The following PSMC5 variants were observed in gnomAD, a reference collection of about 807,000 sequenced individuals.
PSMC5 encodes 26S proteasome regulatory subunit 8.
Under a neutral mutation model 49.1 loss-of-function variants are expected in PSMC5, and 11 were observed. The observed-to-expected ratio is 0.22, with a 90% CI of 0.14 to 0.37. PSMC5 has a LOEUF of 0.37. Ranked by LOEUF, PSMC5 falls within the 10% of genes least tolerant of loss-of-function variation. The probability of loss-of-function intolerance (pLI) is 1.00; values close to 1 mark genes in which losing one functional copy is unlikely to be tolerated. For synonymous variants in PSMC5, 206 were observed against 192.2 expected (o/e 1.07, Z -0.59); for missense variants, 229 against 520.9 (o/e 0.44, Z 5.45).
At chr17:63,828,089 C>A (rs142903599) in intron 1 of PSMC5, 49 bp from the exon 2 acceptor site, 9 of 1,605,222 alleles carry the variant, frequency 5.6e-6, no homozygotes, top group Non-Finnish European at 7.7e-6. Context: ...AGTGGCTTTA[C>A]CCCCTCGGAT....
At chr17:63,827,806 C>G (rs1567756086) in intron 1 of PSMC5, 4 of 1,427,946 alleles carry the variant, frequency 2.8e-6, no homozygotes, top group African/African-American at 1.4e-5. Flanking sequence ...CCTTTGGCTC[C>G]GTTCCGCTGG....
chr17:63,829,616 C>A, intron 3 of PSMC5, 53 bp downstream of exon 3: 1 of 1,504,506 alleles, frequency 6.6e-7, no homozygotes, highest in African/African-American at 1.4e-5. Flanking sequence ...TGAGGTCTGT[C>A]CTTATCTCCC....
intron 1 of PSMC5, 94 bp downstream of exon 1, chr17:63,827,608 G>C: frequency 6.5e-7 from 1 of 1,549,462 alleles, no homozygotes; most frequent in Admixed American, 2.0e-5. Context: ...AGGAGCGTCG[G>C]GTGGGTCGGA....
intron 1 of PSMC5, chr17:63,827,878 C>G: frequency 1.4e-6 from 2 of 1,426,732 alleles, no homozygotes; most frequent in Non-Finnish European, 1.8e-6. Context: ...AAAGCGCCCC[C>G]CGTCTATATC....
chr17:63,831,654 G>A lies in PSMC5; in HGVS notation c.1080+38G>A. On this transcript the variant is annotated intron_variant, in intron 10 of 11. Coordinates refer to ENST00000310144, the MANE Select transcript of PSMC5 (RefSeq NM_002805.6). The surrounding 1 kb of genome is among the most constrained non-coding windows in gnomAD (Gnocchi z 6.3). ...CCCACTGAAAACAGGGCAGAGGCAG[G>A]AAGCTCTGGGCTCAAGGGCCACAGA... is the stretch of plus-strand genomic sequence containing the variant. The A allele has an allele frequency of 1.2e-6, 2 of 1,613,118 alleles. No individual in the cohort carries two copies. Among genetic ancestry groups the A allele is most frequent in the African/African-American group, 2.7e-5 (2 of 75,012 alleles).
chr17:63,830,075 G>T lies in PSMC5; in HGVS notation c.265-58G>T. Reference sequence around the variant, plus strand: ...TTGTGGGATTCTCATAGGTCTTCCTGGGTAGGATTAGTGATTTGGTGGCTG... The same window carrying T: ...TTGTGGGATTCTCATAGGTCTTCCTTGGTAGGATTAGTGATTTGGTGGCTG... On this transcript the variant is annotated intron_variant, in intron 4 of 11. Coordinates refer to ENST00000310144, the MANE Select transcript of PSMC5 (RefSeq NM_002805.6). This position sits in a 1 kb window ranked among gnomAD's most constrained non-coding sequence, Gnocchi z 4.0. The T allele has an allele frequency of 6.3e-7, 1 of 1,593,166 alleles. No homozygotes were observed. Among genetic ancestry groups the T allele is most frequent in the Non-Finnish European group, 8.6e-7 (1 of 1,168,054 alleles).
chr17:63,830,007 G>C lies in PSMC5; in HGVS notation c.264+58G>C. 1.3e-6 allele frequency: 2 copies of C among 1,570,194 alleles called. No individual in the cohort carries two copies. The highest frequency in any genetic ancestry group is 1.7e-6 in the Non-Finnish European group (2 of 1,153,496). On this transcript the variant is annotated intron_variant, in intron 4 of 11. Coordinates refer to ENST00000310144, the MANE Select transcript of PSMC5 (RefSeq NM_002805.6). The surrounding 1 kb of genome is among the most constrained non-coding windows in gnomAD (Gnocchi z 4.0). ...GTCTCCACTGCATTCCCACCCCTTT[G>C]TGTGTAGCCTCGGGAGACAGGGTTC...
Position 63,830,652 on chromosome 17 carries a change from C to T in PSMC5, c.552+151C>T, listed in dbSNP as rs2144619504. On this transcript the variant is annotated intron_variant, in intron 6 of 11. Coordinates refer to ENST00000310144, the MANE Select transcript of PSMC5 (RefSeq NM_002805.6). The surrounding 1 kb of genome is among the most constrained non-coding windows in gnomAD (Gnocchi z 4.0). ...GAAAAGAGTGGCTGGGGAAGTGTTC[C>T]TAGGGCGGTGAGGTGGTTTGGATAG... The T allele has an allele frequency of 6.8e-7, 1 of 1,460,210 alleles. No homozygotes were observed. Among genetic ancestry groups the T allele is most frequent in the Non-Finnish European group, 9.1e-7 (1 of 1,099,920 alleles). The allele number at this position is 1,460,210 out of a possible 1,614,324, so 90.5% of individuals were successfully genotyped here.
intron 1 of PSMC5, chr17:63,827,784 C>T: frequency 7.0e-7 from 1 of 1,430,130 alleles, no homozygotes; most frequent in Non-Finnish European, 9.1e-7. Context: ...TCGCAGGAGA[C>T]GGGACGCCAG....
Position 63,829,484 on chromosome 17 carries a change from T to G in PSMC5, c.97-10T>G. 1 of 1,552,656 alleles carries G rather than the reference T, an allele frequency of 6.4e-7. No homozygotes were observed. Among genetic ancestry groups the G allele is most frequent in the Non-Finnish European group, 8.7e-7 (1 of 1,147,428 alleles). ...CTTGAATAATGGAATTTGTCTCTTG[T>G]CTGCCACAGCTGATTGTGAATGATA... On this transcript the variant is annotated splice_polypyrimidine_tract_variant and intron_variant, in intron 2 of 11. Coordinates refer to ENST00000310144, the MANE Select transcript of PSMC5 (RefSeq NM_002805.6).
At chr17:63,829,270 C>CCAGT (rs1254170614) in intron 2 of PSMC5, 2 of 495,304 alleles carry the variant, frequency 4.0e-6, no homozygotes, top group Middle Eastern at 5.2e-4. Flanking sequence ...TACTCCTGGA[C>CCAGT]CAGTATTGGA....
At position 63,831,795 on chromosome 17, in the gene PSMC5, G is replaced by T; in HGVS notation, c.1152G>T (p.Glu384Asp). 1 of 1,614,196 alleles carries T rather than the reference G, an allele frequency of 6.2e-7. No individual in the cohort carries two copies. Among genetic ancestry groups the T allele is most frequent in the Admixed American group, 1.7e-5 (1 of 60,028 alleles). ...RRVHVTQEDFEMAVAKVMQKD... is the reference protein window; with the variant it reads ...RRVHVTQEDFDMAVAKVMQKD... ...TCCATGTCACTCAGGAGGACTTTGA[G>T]ATGGCAGTAGCCAAGGTATAGGCCT... Residue 384 changes from glutamate to aspartate, a missense_variant, in exon 11 of 12, where the codon GAG becomes GAT. By Grantham distance (45) the Glu-to-Asp change is conservative (BLOSUM62 2). This residue lies in a region of PSMC5 where 121 missense variants were observed against 330.6 expected (regional missense o/e 0.37). Transcript: ENST00000310144. This position sits in a 1 kb window ranked among gnomAD's most constrained non-coding sequence, Gnocchi z 6.3.
chr17:63,831,076 A>G lies in PSMC5; in HGVS notation c.720A>G (p.Glu240=), dbSNP rs775111499. Residue 240 remains glutamate, a synonymous_variant, in exon 8 of 12, where the codon GAA becomes GAG. Coordinates refer to ENST00000310144, the MANE Select transcript of PSMC5 (RefSeq NM_002805.6). This position sits in a 1 kb window ranked among gnomAD's most constrained non-coding sequence, Gnocchi z 6.3. ...GGGAGCTGTTTGTCATGGCACGGGA[A>G]CATGCTCCATCTATCATCTTCATGG... ...MVRELFVMAR[E]HAPSIIFMDE... is the part of the protein sequence containing the mutation. 6.4e-7 allele frequency: 1 copy of G among 1,568,202 alleles called. No individual in the cohort carries two copies. Among genetic ancestry groups the G allele is most frequent in the Admixed American group, 1.8e-5 (1 of 55,218 alleles).
In PSMC5 at chr17:63,829,476, G is replaced by T; in HGVS notation, c.97-18G>T. The T allele has an allele frequency of 6.4e-7, 1 of 1,551,982 alleles. No individual in the cohort carries two copies. Among genetic ancestry groups the T allele is most frequent in the Non-Finnish European group, 8.7e-7 (1 of 1,147,018 alleles). On this transcript the variant is annotated intron_variant, in intron 2 of 11. Transcript: ENST00000310144. Reference sequence around the variant, plus strand: ...CTCCTGCCCTTGAATAATGGAATTTGTCTCTTGTCTGCCACAGCTGATTGT... The same window carrying T: ...CTCCTGCCCTTGAATAATGGAATTTTTCTCTTGTCTGCCACAGCTGATTGT...
In PSMC5 at chr17:63,830,048, T is replaced by C; in HGVS notation, c.265-85T>C. 6.4e-7 allele frequency: 1 copy of C among 1,571,190 alleles called. No homozygotes were observed. The highest frequency in any genetic ancestry group is 8.7e-7 in the Non-Finnish European group (1 of 1,153,878). On this transcript the variant is annotated intron_variant, in intron 4 of 11. Coordinates refer to ENST00000310144, the MANE Select transcript of PSMC5 (RefSeq NM_002805.6). The surrounding 1 kb of genome is among the most constrained non-coding windows in gnomAD (Gnocchi z 4.0). The stretch of plus-strand genomic sequence containing the variant: ...GACAGGGTTCTGTGTTCTGTCAAGG[T>C]ATTGTGGGATTCTCATAGGTCTTCC...
Position 63,831,910 on chromosome 17 carries a change from C to G in PSMC5, c.1168-6C>G. 6.2e-7 allele frequency: 1 copy of G among 1,613,908 alleles called. No individual in the cohort carries two copies. The highest frequency in any genetic ancestry group is 8.5e-7 in the Non-Finnish European group (1 of 1,179,802). ...ACTTAATGTTCATTCTCTCTCCCAC[C>G]CCTAGGTCATGCAGAAGGACAGTGA... On this transcript the variant is annotated splice_region_variant and splice_polypyrimidine_tract_variant and intron_variant, in intron 11 of 11. Transcript: ENST00000310144. This position sits in a 1 kb window ranked among gnomAD's most constrained non-coding sequence, Gnocchi z 6.3.
chr17:63,829,590 A>G (rs1440362162), intron 3 of PSMC5, 27 bp downstream of exon 3: 2 of 1,551,070 alleles, frequency 1.3e-6, no homozygotes, highest in Admixed American at 2.0e-5. Context: ...GGGAAGCCGC[A>G]TGTGGGCAGT....
Position 63,829,963 on chromosome 17 carries a change from G to T in PSMC5, c.264+14G>T. 3 of 1,600,040 alleles carry T rather than the reference G, an allele frequency of 1.9e-6. No individual in the cohort carries two copies. The South Asian group carries it at 3.4e-5, about 18-fold the overall frequency. Reference sequence around the variant, plus strand: ...GTGTTGGTCAAGGTAAAAGCAGCATGACCCCAGGGACCAGCTCGGTCTCCA... The same window carrying T: ...GTGTTGGTCAAGGTAAAAGCAGCATTACCCCAGGGACCAGCTCGGTCTCCA... On this transcript the variant is annotated intron_variant, in intron 4 of 11. Transcript: ENST00000310144.
intron 3 of PSMC5, 22 bp from the exon 4 acceptor site, chr17:63,829,830 A>G (rs370110745): frequency 1.9e-6 from 3 of 1,612,174 alleles, no homozygotes; most frequent in African/African-American, 1.3e-5. Flanking sequence ...CTAGGTGACC[A>G]CTGTGTCTGT....
Sources: gnomAD v4.1 joint callset for allele counts on GRCh38, gnomAD v4.1.1 for gene constraint, gnomAD v4.1.1 regional missense constraint, Gnocchi (gnomAD v3.1) non-coding constraint, MANE v1.5 for transcripts, NCBI Gene and HGNC (gene_info 2026-07-23, HGNC 2026-07-21) for gene names.